PRRC2B: variants seen among roughly 807,000 people sequenced by gnomAD.
PRRC2B encodes the protein proline rich coiled-coil 2B.
PRRC2B carries 68 observed loss-of-function variants against 242.3 expected under a neutral mutation model. That is an observed-to-expected ratio of 0.28 (90% CI 0.23 to 0.34). PRRC2B has a LOEUF of 0.34. Among genes scored for constraint, PRRC2B ranks in the 10% least tolerant of loss-of-function variants. PRRC2B has a pLI of 1.00. For missense variants in PRRC2B, 2,835 were observed against 2,954.8 expected (o/e 0.96, Z 0.94); for synonymous variants, 1,228 against 1,173.6 (o/e 1.05, Z -0.95).
At chr9:131,473,402 A>G (rs1943596717) in intron 14 of PRRC2B, 106 bp from the exon 15 acceptor site, 2 of 797,078 alleles carry the variant, frequency 2.5e-6, no homozygotes, top group African/African-American at 1.8e-5. Context: ...CTGTATCCAC[A>G]TGAAAGTCAG....
upstream of PRRC2B, among the ~76,000 whole-genome samples, chr9:131,392,421 GTTTATTTATTTAATTTAT>G (rs1021252008): frequency 3.3e-5 from 5 of 152,108 alleles, no homozygotes; most frequent in African/African-American, 1.2e-4. Context: ...CTGAGGCTCA[GTTTATTTATTTAATTTAT>G]TTTTTATTTG....
At chr9:131,414,701 C>T (rs577538680) in intron 1 of PRRC2B, among the ~76,000 whole-genome samples, 6 of 151,954 alleles carry the variant, frequency 3.9e-5, no homozygotes, top group East Asian at 2.0e-4. Flanking sequence ...TCCCAAGTAG[C>T]TGGGACTACA....
intron 4 of PRRC2B, among the ~76,000 whole-genome samples, chr9:131,437,317 G>A (rs2131336131): frequency 6.6e-6 from 1 of 152,306 alleles, no homozygotes. Context: ...CACGCTTTGG[G>A]AAATACGAAG....
upstream of PRRC2B, among the ~76,000 whole-genome samples, chr9:131,391,729 C>T (rs148928479): frequency 6.6e-6 from 1 of 152,298 alleles, no homozygotes; most frequent in East Asian, 1.9e-4. Flanking sequence ...CACCCTGTTA[C>T]TGTTCAGCCT....
At chr9:131,435,266 T>G (rs1238764994) in intron 3 of PRRC2B, among the ~76,000 whole-genome samples, 19 of 133,920 alleles carry the variant, frequency 1.4e-4, no homozygotes, top group African/African-American at 4.5e-4. Flanking sequence ...CCACTGCACT[T>G]TAGCCAGAGT....
At chr9:131,485,362 A>C (rs976407874) in intron 25 of PRRC2B, among the ~76,000 whole-genome samples, 1 of 152,028 alleles carries the variant, frequency 6.6e-6, no homozygotes, top group Non-Finnish European at 1.5e-5. Context: ...ACAGCGAGGC[A>C]CTCCTGCCTA....
chr9:131,416,497 G>A (rs1837657853), intron 1 of PRRC2B, among the ~76,000 whole-genome samples: 1 of 152,126 alleles, frequency 6.6e-6, no homozygotes, highest in Non-Finnish European at 1.5e-5. Flanking sequence ...CTCCCAGTTT[G>A]CCCCCATTAA....
chr9:131,426,337 C>CAAAAAAAAAAAAAAAAA (rs5900939), intron 1 of PRRC2B, among the ~76,000 whole-genome samples: 2 of 84,482 alleles, frequency 2.4e-5, no homozygotes, highest in African/African-American at 4.2e-5. Flanking sequence ...AACTCTGTCT[C>CAAAAAAAAAAAAAAAAA]AAAAAAAAAA....
intron 4 of PRRC2B, 45 bp from the exon 5 acceptor site, chr9:131,438,944 G>A (rs1184620166): frequency 6.8e-7 from 1 of 1,468,502 alleles, no homozygotes; most frequent in African/African-American, 1.4e-5. Context: ...ATTGTACAGT[G>A]GAATAAGGGA....
intron 1 of PRRC2B, among the ~76,000 whole-genome samples, chr9:131,382,565 T>G (rs1020285379): frequency 2.0e-5 from 3 of 152,110 alleles, no homozygotes; most frequent in African/African-American, 4.8e-5. Flanking sequence ...GCTGTGAGCT[T>G]CTGGGTCTGT....
rs1944351513 is a variant in PRRC2B at position 131,496,943 on chromosome 9, T to C, written c.*1069T>C. 6.6e-6 allele frequency: 1 copy of C among 152,452 alleles called. No individual in the cohort carries two copies. The highest frequency in any genetic ancestry group is 6.5e-5 in the Admixed American group (1 of 15,292). The allele number at this position is 152,452 out of a possible 1,614,324, so 9.4% of individuals were successfully genotyped here. ...TTCACACATTTCTTTCCCTGAAGCCTTCTGTAACCTGTCATTTTCCTTCCT... is the reference window on the plus strand; with the variant it reads ...TTCACACATTTCTTTCCCTGAAGCCCTCTGTAACCTGTCATTTTCCTTCCT... On this transcript the variant is annotated 3_prime_UTR_variant, in exon 32 of 32. Coordinates refer to ENST00000683519, the MANE Select transcript of PRRC2B (RefSeq NM_013318.4).
rs979317283 is a variant in PRRC2B at position 131,482,317 on chromosome 9, C to T, written c.4984-54C>T. On this transcript the variant is annotated intron_variant, in intron 20 of 31. Coordinates refer to ENST00000683519, the MANE Select transcript of PRRC2B (RefSeq NM_013318.4). This position sits in a 1 kb window ranked among gnomAD's most constrained non-coding sequence, Gnocchi z 5.2. The stretch of plus-strand genomic sequence containing the variant: ...TCTGTGCCACATGCAGTTTTACTCT[C>T]TGGATAATCGAGTTGGGAGTTTGAG... 1.7e-5 allele frequency: 26 copies of T among 1,507,280 alleles called. No individual in the cohort carries two copies. The highest frequency in any genetic ancestry group is 2.3e-5 in the Non-Finnish European group (26 of 1,120,996). 93.4% of individuals were successfully genotyped at this position (1,507,280 alleles called of 1,614,324 possible).
chr9:131,454,289 A>T (rs761792144), intron 9 of PRRC2B, among the ~76,000 whole-genome samples: 7 of 152,262 alleles, frequency 4.6e-5, no homozygotes, highest in African/African-American at 1.4e-4. Flanking sequence ...ACTTTCTGCC[A>T]TCTGAGCCAC....
intron 1 of PRRC2B, among the ~76,000 whole-genome samples, chr9:131,401,585 A>C (rs1368041121): frequency 6.6e-6 from 1 of 151,798 alleles, no homozygotes; most frequent in Non-Finnish European, 1.5e-5. Context: ...TCCTGGCCTT[A>C]AGTGGTTTGC....
rs1491225766 is a variant in PRRC2B, at chr9:131,443,140, T to TTA, written c.470-1044_470-1043insAT. Among the ~76,000 whole-genome samples, 17 of 8,274 alleles carry TTA rather than the reference T, an allele frequency of 2.1e-3. No individual in the cohort carries two copies. The Admixed American group carries it at 0.028, about 14-fold the overall frequency. 5.4% of individuals were successfully genotyped at this position (8,274 alleles called of 152,430 possible). A position where few individuals can be genotyped will look rare whatever the true frequency, so the allele number is the denominator to read the frequency against. On this transcript the variant is annotated intron_variant, in intron 5 of 31. Transcript: ENST00000683519. ...TATTTTATTTTATTTTATTTTATTA[T>TTA]TTTTTTTTTTTGAGACGGAATCTCG...
At chr9:131,386,472 G>A (rs1836826931) in intron 1 of PRRC2B, among the ~76,000 whole-genome samples, 1 of 150,008 alleles carries the variant, frequency 6.7e-6, no homozygotes, top group Non-Finnish European at 1.5e-5. Flanking sequence ...GTCCCCAGAG[G>A]GTGTCACCCC....
intron 9 of PRRC2B, among the ~76,000 whole-genome samples, chr9:131,450,526 A>G (rs1287686038): frequency 6.7e-6 from 1 of 149,960 alleles, no homozygotes; most frequent in Non-Finnish European, 1.5e-5. Context: ...CAGCATCCCA[A>G]AGTGCTGGGA....
intron 1 of PRRC2B, among the ~76,000 whole-genome samples, chr9:131,423,103 T>C (rs1453062773): frequency 6.6e-6 from 1 of 152,202 alleles, no homozygotes. Context: ...CCAAGTCAGA[T>C]TCTGTTGGAG....
chr9:131,470,291 T>C (rs781217773), intron 13 of PRRC2B, among the ~76,000 whole-genome samples: 2 of 152,098 alleles, frequency 1.3e-5, no homozygotes, highest in Non-Finnish European at 2.9e-5. Context: ...CTGAAGGCTC[T>C]TTTGAGCTAG....
Sources: gnomAD v4.1 joint callset for allele counts (sites outside exome capture counted in the v4.1 genomes callset) on GRCh38, gnomAD v4.1.1 for gene constraint, Gnocchi (gnomAD v3.1) non-coding constraint, MANE v1.5 for transcripts, NCBI Gene and HGNC (gene_info 2026-07-23, HGNC 2026-07-21) for gene names.